Variants in ERBB4 observed in about 807,000 individuals in gnomAD.
ERBB4 encodes receptor tyrosine-protein kinase erbB-4.
In ERBB4, 42 loss-of-function variants were observed where a neutral mutation model predicts 158.0. That is an observed-to-expected ratio of 0.27 (90% CI 0.21 to 0.34). The LOEUF (loss-of-function observed/expected upper bound fraction) is 0.34. Ranked by LOEUF, ERBB4 falls within the 10% of genes least tolerant of loss-of-function variation. The pLI is 1.00. For synonymous variants in ERBB4, 583 were observed against 558.7 expected (o/e 1.04, Z -0.61); for missense variants, 1,333 against 1,624.1 (o/e 0.82, Z 3.08).
intron 1 of ERBB4, among the ~76,000 whole-genome samples, chr2:212,188,859 G>A (rs1575772658): frequency 6.6e-6 from 1 of 152,034 alleles, no homozygotes; most frequent in Admixed American, 6.6e-5. Context: ...GAGAACATGA[G>A]AATAGAGACT....
chr2:212,290,663 C>CAT (rs2086171866), intron 1 of ERBB4, among the ~76,000 whole-genome samples: 1 of 150,312 alleles, frequency 6.7e-6, no homozygotes, highest in African/African-American at 2.4e-5. Flanking sequence ...TATTTCTTTT[C>CAT]GTGTGTGTGT....
chr2:212,107,782 G>A (rs1436464787), intron 2 of ERBB4, among the ~76,000 whole-genome samples: 13 of 152,094 alleles, frequency 8.5e-5, no homozygotes, highest in East Asian at 1.9e-4. Flanking sequence ...TGCTGTTCTC[G>A]TGATAGTGAA....
chr2:211,767,134 T>A (rs901915563), intron 4 of ERBB4, among the ~76,000 whole-genome samples: 4 of 152,238 alleles, frequency 2.6e-5, no homozygotes, highest in African/African-American at 9.6e-5. Context: ...TAGAGTACTT[T>A]TGTTTTAATA....
chr2:211,548,127 TTC>T (rs1238224851), intron 20 of ERBB4, among the ~76,000 whole-genome samples: 1 of 152,104 alleles, frequency 6.6e-6, no homozygotes, highest in Non-Finnish European at 1.5e-5. Flanking sequence ...AGTATAGAGA[TTC>T]TCTCTTACCC....
intron 2 of ERBB4, among the ~76,000 whole-genome samples, chr2:211,989,908 A>G (rs1418642589): frequency 6.6e-6 from 1 of 152,002 alleles, no homozygotes; most frequent in Non-Finnish European, 1.5e-5. Flanking sequence ...GGTGTATAAA[A>G]TTAGAGCAAA....
chr2:211,381,540 TTAAAA>T lies in ERBB4; in HGVS notation c.*2070_*2074del, dbSNP rs2062574052. On this transcript the variant is annotated 3_prime_UTR_variant, in exon 28 of 28. Transcript: ENST00000342788. ...CTGATTGTTGGAACGCATAGAAAAA[TTAAAA>T]TGTCATTTTAATTAAATCTCCTAGA... 4.3e-6 allele frequency: 1 copy of T among 231,150 alleles called. No individual in the cohort carries two copies. The highest frequency in any genetic ancestry group is 8.6e-6 in the Non-Finnish European group (1 of 116,906). 14.3% of individuals were successfully genotyped at this position (231,150 alleles called of 1,614,324 possible). A position where few individuals can be genotyped will look rare whatever the true frequency, so the allele number is the denominator to read the frequency against.
chr2:212,330,673 C>T (rs963899198), intron 1 of ERBB4, among the ~76,000 whole-genome samples: 1 of 151,858 alleles, frequency 6.6e-6, no homozygotes, highest in Admixed American at 6.6e-5. Context: ...TAGGTGGGGG[C>T]ATATGGAGAC....
intron 1 of ERBB4, among the ~76,000 whole-genome samples, chr2:212,483,829 A>G (rs1256261532): frequency 2.0e-5 from 3 of 152,002 alleles, no homozygotes; most frequent in East Asian, 1.9e-4. Context: ...CTCCGCCTTC[A>G]GGGTTCACGC....
At chr2:212,258,085 A>C (rs757545193) in intron 1 of ERBB4, among the ~76,000 whole-genome samples, 7 of 152,240 alleles carry the variant, frequency 4.6e-5, no homozygotes, top group Admixed American at 2.0e-4. Flanking sequence ...GTACAAAACT[A>C]TTTATAGGAA....
chr2:212,367,117 G>A (rs1326379893), intron 1 of ERBB4, among the ~76,000 whole-genome samples: 1 of 151,988 alleles, frequency 6.6e-6, no homozygotes, highest in East Asian at 1.9e-4. Flanking sequence ...ATGCAGAGAA[G>A]AGATCATGTG....
rs566689162 is a variant in ERBB4, at chr2:211,464,649, G to A, written c.2488-33549C>T. ...CTACAACTATAAAAAGGTAATAATA[G>A]TAAAAGCTTCTCCCACCCTATAGAA... On this transcript the variant is annotated intron_variant, in intron 20 of 27. Transcript: ENST00000342788. 2.1e-3 allele frequency among the ~76,000 whole-genome samples: 319 copies of A among 152,124 alleles called. 1 individual carries two copies. The highest frequency in any genetic ancestry group is 3.1e-3 in the Non-Finnish European group (214 of 67,992).
intron 1 of ERBB4, among the ~76,000 whole-genome samples, chr2:212,497,846 C>T (rs1690664376): frequency 6.6e-6 from 1 of 152,126 alleles, no homozygotes; most frequent in African/African-American, 2.4e-5. Context: ...GCTTTTCCTG[C>T]ATAAAGAGTA....
intron 4 of ERBB4, among the ~76,000 whole-genome samples, chr2:211,765,508 T>C (rs1365162654): frequency 6.6e-6 from 1 of 152,178 alleles, no homozygotes; most frequent in Admixed American, 6.5e-5. Flanking sequence ...AAAAAATCTC[T>C]GAGCCCATTG....
At chr2:211,392,775 T>A (rs2062830172) in intron 25 of ERBB4, among the ~76,000 whole-genome samples, 1 of 152,042 alleles carries the variant, frequency 6.6e-6, no homozygotes, top group Non-Finnish European at 1.5e-5. Context: ...TTCAAGCAAT[T>A]CTCTGCCTCA....
At chr2:212,071,714 G>T (rs145053419) in intron 2 of ERBB4, among the ~76,000 whole-genome samples, 61 of 152,096 alleles carry the variant, frequency 4.0e-4, no homozygotes, top group African/African-American at 1.4e-3. Flanking sequence ...GCAGTTTGCA[G>T]TTGTTATAAA....
intron 8 of ERBB4, among the ~76,000 whole-genome samples, chr2:211,712,410 A>C (rs1447509403): frequency 6.6e-6 from 1 of 152,192 alleles, no homozygotes; most frequent in African/African-American, 2.4e-5. Context: ...CATCAGAGAA[A>C]TTACATTTTA....
chr2:211,533,923 A>G (rs1395329613), intron 20 of ERBB4, among the ~76,000 whole-genome samples: 1 of 152,120 alleles, frequency 6.6e-6, no homozygotes, highest in Non-Finnish European at 1.5e-5. Context: ...CTTACTGAAG[A>G]GTAGAAAGTT....
chr2:211,897,718 T>G (rs2079133900), intron 3 of ERBB4, among the ~76,000 whole-genome samples: 1 of 151,982 alleles, frequency 6.6e-6, no homozygotes, highest in Non-Finnish European at 1.5e-5. Flanking sequence ...AAGATTCTGT[T>G]TGCTTTTAAT....
intron 1 of ERBB4, among the ~76,000 whole-genome samples, chr2:212,381,181 T>C (rs2090491706): frequency 6.6e-6 from 1 of 151,348 alleles, no homozygotes; most frequent in Admixed American, 6.6e-5. Context: ...ATGATTCAAA[T>C]TATCCTAATT....
Sources: allele counts gnomAD v4.1 joint callset (sites outside exome capture counted in the v4.1 genomes callset), GRCh38; gene constraint gnomAD v4.1.1; transcripts MANE v1.5; gene names NCBI Gene and HGNC (gene_info 2026-07-23, HGNC 2026-07-21).